Variants in ARL15 observed in about 807,000 individuals in gnomAD.
ARL15 encodes ARF like GTPase 15.
Under a neutral mutation model 25.2 loss-of-function variants are expected in ARL15, and 19 were observed. That is an observed-to-expected ratio of 0.75 (90% confidence interval 0.53 to 1.10). The LOEUF (loss-of-function observed/expected upper bound fraction) is 1.10, where lower values mean the gene tolerates loss of function less well. Ranked by LOEUF, ARL15 falls within the 50% of genes least tolerant of loss-of-function variation. The pLI, the probability that ARL15 is intolerant of heterozygous loss-of-function variation, is 0.00. For synonymous variants in ARL15, 94 were observed against 86.8 expected, an observed-to-expected ratio of 1.08 and a Z score of -0.46; for missense variants, 220 against 246.0, an observed-to-expected ratio of 0.89 and a Z score of 0.71.
At chr5:54,056,869 G>A (rs78129106) in intron 4 of ARL15, among the ~76,000 whole-genome samples, 1 of 152,046 alleles carries the variant, frequency 6.6e-6, no homozygotes, top group Non-Finnish European at 1.5e-5. Context: ...GTATACGGGG[G>A]AGCACAAATA....
intron 4 of ARL15, among the ~76,000 whole-genome samples, chr5:54,022,045 T>C (rs1261788363): frequency 6.6e-6 from 1 of 151,986 alleles, no homozygotes; most frequent in Non-Finnish European, 1.5e-5. Context: ...TCAGTGAAAA[T>C]ATCCTTCAGA....
intron 4 of ARL15, among the ~76,000 whole-genome samples, chr5:53,915,887 C>T (rs575639399): frequency 2.6e-5 from 4 of 152,264 alleles, no homozygotes; most frequent in African/African-American, 9.6e-5. Flanking sequence ...AAGTGATTCG[C>T]CTCTTGGTTC....
At chr5:54,152,925 T>C (rs955043554) in intron 3 of ARL15, among the ~76,000 whole-genome samples, 3 of 152,242 alleles carry the variant, frequency 2.0e-5, no homozygotes, top group African/African-American at 7.2e-5. Flanking sequence ...ACCTTACGAA[T>C]TCCTTGGTGT....
intron 1 of ARL15, among the ~76,000 whole-genome samples, chr5:54,181,547 C>T (rs1173967889): frequency 6.6e-6 from 1 of 152,146 alleles, no homozygotes; most frequent in Non-Finnish European, 1.5e-5. Flanking sequence ...GGAAGTAGGC[C>T]ATAAAAATAC....
chr5:53,962,301 C>T (rs1747396871), intron 4 of ARL15, among the ~76,000 whole-genome samples: 1 of 152,202 alleles, frequency 6.6e-6, no homozygotes, highest in Non-Finnish European at 1.5e-5. Context: ...ATCCCATGTA[C>T]TCCATCTCTG....
intron 4 of ARL15, among the ~76,000 whole-genome samples, chr5:54,037,327 A>T (rs1021179409): frequency 6.6e-6 from 1 of 152,056 alleles, no homozygotes; most frequent in Non-Finnish European, 1.5e-5. Context: ...TTATTTTTCT[A>T]TTTGGAATAC....
At chr5:53,924,338 T>C (rs528050464) in intron 4 of ARL15, among the ~76,000 whole-genome samples, 1 of 152,352 alleles carries the variant, frequency 6.6e-6, no homozygotes, top group South Asian at 2.1e-4. Flanking sequence ...CCAATTTTGT[T>C]GATTACTTTT....
At chr5:54,103,307 T>C (rs1203294189) in intron 4 of ARL15, among the ~76,000 whole-genome samples, 4 of 152,122 alleles carry the variant, frequency 2.6e-5, no homozygotes, top group Non-Finnish European at 5.9e-5. Flanking sequence ...TTGAAAGCTA[T>C]GTGCTACCTT....
At chr5:54,272,107 CTTTTTTT>C (rs34592464) in intron 1 of ARL15, among the ~76,000 whole-genome samples, 8 of 36,788 alleles carry the variant, frequency 2.2e-4, no homozygotes, top group Non-Finnish European at 3.9e-4. Context: ...CCACTCCTGG[CTTTTTTT>C]TTTTTTTTTT....
intron 4 of ARL15, among the ~76,000 whole-genome samples, chr5:54,071,075 TG>T (rs1054342786): frequency 3.3e-5 from 5 of 150,928 alleles, no homozygotes; most frequent in Admixed American, 2.0e-4. Context: ...GAGGCTGAGG[TG>T]CAAGGATCTC....
intron 3 of ARL15, among the ~76,000 whole-genome samples, chr5:54,130,992 C>T (rs1399350548): frequency 6.6e-6 from 1 of 152,134 alleles, no homozygotes; most frequent in African/African-American, 2.4e-5. Flanking sequence ...TCTGAAACTA[C>T]AAATCTTATC....
At chr5:54,204,700 C>T (rs1424144080) in intron 1 of ARL15, among the ~76,000 whole-genome samples, 2 of 152,030 alleles carry the variant, frequency 1.3e-5, no homozygotes, top group Admixed American at 6.6e-5. Context: ...GATTTTAAAA[C>T]GTAAAGGAGT....
In ARL15 at chr5:54,029,561, A is replaced by C. The variant is rs987992077; in HGVS notation, c.462+83641T>G. Among the ~76,000 whole-genome samples, 3 of 152,194 alleles carry C rather than the reference A, an allele frequency of 2.0e-5. No individual in the cohort carries two copies. The South Asian group carries it at 6.2e-4, about 31-fold the overall frequency. ...TAAAATATAAAGTATTCATATTCAA[A>C]AGGCTTCTGAAAGTAGGCCGGGCAT... On this transcript the variant is annotated intron_variant, in intron 4 of 4. Transcript: ENST00000504924.
chr5:54,007,604 C>T (rs891235699), intron 4 of ARL15, among the ~76,000 whole-genome samples: 3 of 151,948 alleles, frequency 2.0e-5, no homozygotes, highest in Admixed American at 6.6e-5. Context: ...CTCAGGAGTT[C>T]GAGACCAGCC....
intron 4 of ARL15, among the ~76,000 whole-genome samples, chr5:54,039,779 G>A (rs1451713722): frequency 2.5e-5 from 3 of 121,020 alleles, no homozygotes; most frequent in Non-Finnish European, 4.8e-5. Flanking sequence ...TCCAGCCTGG[G>A]CAACAGAGCA....
chr5:54,118,820 T>C lies in ARL15; in HGVS notation c.254-5410A>G, dbSNP rs188265877. Among the ~76,000 whole-genome samples the C allele has an allele frequency of 3.5e-4, 54 of 152,244 alleles. No individual in the cohort carries two copies. In the East Asian group the frequency reaches 9.9e-3, roughly 28 times the overall value. On this transcript the variant is annotated intron_variant, in intron 3 of 4. Transcript: ENST00000504924. The stretch of plus-strand genomic sequence containing the variant: ...TGAATTGTGTGTTGCCCAGGAACTT[T>C]AAATGGCATGCCTCCCAGGAGATTC...
At chr5:53,908,973 G>C (rs1307514101) in intron 4 of ARL15, among the ~76,000 whole-genome samples, 2 of 152,192 alleles carry the variant, frequency 1.3e-5, no homozygotes, top group Non-Finnish European at 2.9e-5. Flanking sequence ...ATCCCATCAA[G>C]TTTGGTCCTG....
intron 1 of ARL15, among the ~76,000 whole-genome samples, chr5:54,303,532 GAAAC>G (rs1469617866): frequency 2.0e-5 from 3 of 151,028 alleles, no homozygotes; most frequent in East Asian, 2.0e-4. Context: ...AGAAAAGCAA[GAAAC>G]AAACAAACAA....
rs189887874 is a variant in ARL15, at chr5:53,914,409, T to G, written c.463-27696A>C. Among the ~76,000 whole-genome samples the G allele has an allele frequency of 2.0e-4, 31 of 152,312 alleles. No individual in the cohort carries two copies. The South Asian group carries it at 4.4e-3, about 21-fold the overall frequency. On this transcript the variant is annotated intron_variant, in intron 4 of 4. Transcript: ENST00000504924. ...TATACCATGTATTAATTTTCACACTTCAAGACTGCTACTTATCCACCTGAT... is the reference window on the plus strand; with the variant it reads ...TATACCATGTATTAATTTTCACACTGCAAGACTGCTACTTATCCACCTGAT...
Sources: allele counts gnomAD v4.1 joint callset (sites outside exome capture counted in the v4.1 genomes callset), GRCh38; gene constraint gnomAD v4.1.1; transcripts MANE v1.5; gene names NCBI Gene and HGNC (gene_info 2026-07-23, HGNC 2026-07-21).